TBC1D9: variants seen among roughly 807,000 people sequenced by gnomAD.
The protein encoded by TBC1D9 is TBC1 domain family member 9.
Under a neutral mutation model 132.0 loss-of-function variants are expected in TBC1D9, and 63 were observed. That is an observed-to-expected ratio of 0.48 (90% CI 0.39 to 0.59). TBC1D9 has a LOEUF of 0.59. Ranked by LOEUF, TBC1D9 falls within the 20% of genes least tolerant of loss-of-function variation. TBC1D9 has a pLI of 0.00. For synonymous variants in TBC1D9, 610 were observed against 609.9 expected, an observed-to-expected ratio of 1.00 and a Z score of 0.00; for missense variants, 1,261 against 1,592.7, an observed-to-expected ratio of 0.79 and a Z score of 3.54.
rs11317574 is a variant in TBC1D9 at position 140,704,435 on chromosome 4, GAA to G, written c.131-2823_131-2822del. Among the ~76,000 whole-genome samples, 121 of 113,376 alleles carry G rather than the reference GAA, an allele frequency of 1.1e-3. 3 individuals carry two copies. The highest frequency in any genetic ancestry group is 5.6e-3 in the Admixed American group (65 of 11,530). The allele number at this position is 113,376 out of a possible 152,430, so 74.4% of individuals were successfully genotyped here. A position where few individuals can be genotyped will look rare whatever the true frequency, so the allele number is the denominator to read the frequency against. On this transcript the variant is annotated intron_variant, in intron 1 of 20. Transcript: ENST00000442267. ...AACAAACAAACAAAACAAAAAATCA[GAA>G]AAAAAAAAAAAAAAGAAAAGGACAA...
At chr4:140,655,720 G>C (rs1204632370) in intron 13 of TBC1D9, among the ~76,000 whole-genome samples, 2 of 152,098 alleles carry the variant, frequency 1.3e-5, no homozygotes, top group African/African-American at 4.8e-5. Flanking sequence ...CGGCAGATCA[G>C]GCTGATTCCA....
intron 13 of TBC1D9, among the ~76,000 whole-genome samples, chr4:140,646,751 T>C (rs1413432569): frequency 1.3e-5 from 2 of 152,230 alleles, no homozygotes; most frequent in Admixed American, 6.5e-5. Flanking sequence ...TCCCAGTCCA[T>C]GTTCCACCAG....
Position 140,639,411 on chromosome 4 carries a change from C to T in TBC1D9, c.2355G>A (p.Arg785=). Residue 785 remains arginine (R), a synonymous_variant, in exon 14 of 21, where the codon CGG becomes CGA. Coordinates refer to ENST00000442267, the MANE Select transcript of TBC1D9 (RefSeq NM_015130.3). The part of the protein sequence containing the change: ...RTSYEKFGTI[R]ADLIEQMRFK... ...ATCTCATCTGTTCAATCAAATCTGC[C>T]CGGATAGTTCCGAATTTCTGTAAAG... 1 of 1,610,734 alleles carries T rather than the reference C, an allele frequency of 6.2e-7. No homozygotes were observed. The highest frequency in any genetic ancestry group is 8.5e-7 in the Non-Finnish European group (1 of 1,178,404).
chr4:140,671,712 G>GTGTGTGTGTGTGTGTGTGTGTA (rs766300047), intron 6 of TBC1D9, among the ~76,000 whole-genome samples: 13 of 147,782 alleles, frequency 8.8e-5, no homozygotes, highest in African/African-American at 2.7e-4. Flanking sequence ...GTGTGTGTGT[G>GTGTGTGTGTGTGTGTGTGTGTA]TGTGCCGAAG....
chr4:140,664,215 C>A lies in TBC1D9; in HGVS notation c.1589-2108G>T, dbSNP rs149162780. On this transcript the variant is annotated intron_variant, in intron 9 of 20. Coordinates refer to ENST00000442267, the MANE Select transcript of TBC1D9 (RefSeq NM_015130.3). ...TTTTTATTTGTCAATTATACCTCAA[C>A]AACGCATGAATGAGTTCATGAAGGC... Among the ~76,000 whole-genome samples the A allele has an allele frequency of 7.6e-4, 116 of 152,142 alleles. No homozygotes were observed. The East Asian group carries it at 0.021, about 28-fold the overall frequency.
intron 16 of TBC1D9, among the ~76,000 whole-genome samples, chr4:140,629,661 A>G (rs1163327352): frequency 2.6e-5 from 4 of 152,198 alleles, no homozygotes; most frequent in Non-Finnish European, 5.9e-5. Context: ...TTCTCAATCA[A>G]TATCCCTCTG....
At chr4:140,736,677 G>C (rs1036169736) in intron 1 of TBC1D9, among the ~76,000 whole-genome samples, 3 of 152,186 alleles carry the variant, frequency 2.0e-5, no homozygotes, top group African/African-American at 7.2e-5. Flanking sequence ...CAGGAAGAAA[G>C]AGGGGTTTGC....
chr4:140,695,455 C>T (rs1465423638), intron 2 of TBC1D9, among the ~76,000 whole-genome samples: 1 of 152,196 alleles, frequency 6.6e-6, no homozygotes, highest in Non-Finnish European at 1.5e-5. Context: ...GTGAGCTGTC[C>T]GTCAAACACA....
intron 1 of TBC1D9, among the ~76,000 whole-genome samples, chr4:140,702,282 C>T (rs1432117387): frequency 6.6e-6 from 1 of 152,210 alleles, no homozygotes; most frequent in Non-Finnish European, 1.5e-5. Flanking sequence ...AAAACTTGTT[C>T]ACATTGTCCA....
Position 140,711,018 on chromosome 4 carries a change from T to G in TBC1D9, c.131-9404A>C, listed in dbSNP as rs184549301. On this transcript the variant is annotated intron_variant, in intron 1 of 20. Coordinates refer to ENST00000442267, the MANE Select transcript of TBC1D9 (RefSeq NM_015130.3). ...CTCATTCTTTCCCCACGAACAAGCT[T>G]GCTGCTTTCAGACTTTGTGCAGGAC... 2.6e-5 allele frequency among the ~76,000 whole-genome samples: 4 copies of G among 152,306 alleles called. No individual in the cohort carries two copies. In the East Asian group the frequency reaches 7.7e-4, roughly 29 times the overall value.
intron 1 of TBC1D9, among the ~76,000 whole-genome samples, chr4:140,749,575 C>A (rs1738890269): frequency 6.6e-6 from 1 of 152,072 alleles, no homozygotes; most frequent in African/African-American, 2.4e-5. Context: ...GTAATTCCAG[C>A]ACTTTGAGAG....
At chr4:140,665,834 A>AC (rs1737433860) in intron 9 of TBC1D9, among the ~76,000 whole-genome samples, 1 of 151,992 alleles carries the variant, frequency 6.6e-6, no homozygotes, top group East Asian at 1.9e-4. Context: ...GTGCCACCAC[A>AC]CCCAGCTAGT....
intron 13 of TBC1D9, among the ~76,000 whole-genome samples, chr4:140,656,525 C>T (rs1016751777): frequency 2.0e-5 from 3 of 152,122 alleles, no homozygotes; most frequent in African/African-American, 4.8e-5. Context: ...ACAACCTCAG[C>T]GTTACCAGTA....
chr4:140,694,574 A>G (rs1560888011), intron 2 of TBC1D9, among the ~76,000 whole-genome samples: 1 of 150,140 alleles, frequency 6.7e-6, no homozygotes, highest in Non-Finnish European at 1.5e-5. Context: ...CTGTCTCAAA[A>G]AAAAAAAAAA....
chr4:140,655,985 T>A (rs1159676449), intron 13 of TBC1D9, among the ~76,000 whole-genome samples: 3 of 152,096 alleles, frequency 2.0e-5, no homozygotes, highest in Admixed American at 1.3e-4. Flanking sequence ...TAGATCAGGC[T>A]TCAGGATGTG....
intron 2 of TBC1D9, among the ~76,000 whole-genome samples, chr4:140,698,020 G>A (rs946765923): frequency 6.6e-6 from 1 of 152,182 alleles, no homozygotes; most frequent in African/African-American, 2.4e-5. Flanking sequence ...TTTTCACACC[G>A]TCATGAGGTG....
At chr4:140,725,585 T>C (rs1334640804) in intron 1 of TBC1D9, among the ~76,000 whole-genome samples, 1 of 152,100 alleles carries the variant, frequency 6.6e-6, no homozygotes, top group Non-Finnish European at 1.5e-5. Context: ...CTGGTGGCAG[T>C]TCTCCTGTCC....
Position 140,675,452 on chromosome 4 carries a change from G to T in TBC1D9, c.1059+1442C>A, listed in dbSNP as rs562140694. Among the ~76,000 whole-genome samples the T allele has an allele frequency of 1.6e-4, 24 of 152,248 alleles. No homozygotes were observed. In the South Asian group the frequency reaches 5.0e-3, roughly 32 times the overall value. On this transcript the variant is annotated intron_variant, in intron 6 of 20. Transcript: ENST00000442267. ...ACCAGGGTAGGTTGGAAGAGGTCAG[G>T]TTAGAAACTGCAGGGCTGCTGGCCC...
At chr4:140,733,074 C>T (rs1264129810) in intron 1 of TBC1D9, among the ~76,000 whole-genome samples, 2 of 152,090 alleles carry the variant, frequency 1.3e-5, no homozygotes, top group Non-Finnish European at 2.9e-5. Context: ...ATTAAAACTA[C>T]AAGCATTGTT....
Sources: allele counts gnomAD v4.1 joint callset (sites outside exome capture counted in the v4.1 genomes callset), GRCh38; gene constraint gnomAD v4.1.1; transcripts MANE v1.5; gene names NCBI Gene and HGNC (gene_info 2026-07-23, HGNC 2026-07-21).